ITGA2: variants seen among roughly 807,000 people sequenced by gnomAD.
The protein encoded by ITGA2 is integrin subunit alpha 2, also known as integrin alpha-2.
A neutral mutation model predicts 146.3 loss-of-function variants in ITGA2; 101 were observed. The observed-to-expected ratio is 0.69, with a 90% confidence interval of 0.59 to 0.81. The LOEUF (loss-of-function observed/expected upper bound fraction) is 0.81, where lower values mean the gene tolerates loss of function less well. Among genes scored for constraint, ITGA2 ranks in the 40% least tolerant of loss-of-function variants. ITGA2 has a pLI of 0.00. For missense variants in ITGA2, 1,281 were observed against 1,402.7 expected (o/e 0.91, Z 1.39); for synonymous variants, 477 against 487.1 (o/e 0.98, Z 0.27).
chr5:53,019,438 G>A (rs1036339395), intron 1 of ITGA2, among the ~76,000 whole-genome samples: 3 of 152,174 alleles, frequency 2.0e-5, no homozygotes, highest in African/African-American at 4.8e-5. Context: ...CCAGCAGGCT[G>A]TCTGAGGCCC....
In ITGA2 at chr5:53,051,485, G is replaced by A; in HGVS notation, c.705G>A (p.Met235Ile). 1 of 1,613,554 alleles carries A rather than the reference G, an allele frequency of 6.2e-7. No homozygotes were observed. ...NLNTYKTKEEMIVATSQTSQY... is the reference protein window; with the variant it reads ...NLNTYKTKEEIIVATSQTSQY... The stretch of plus-strand genomic sequence containing the variant: ...ACACATATAAAACCAAAGAAGAAAT[G>A]ATTGTAGCAACATCCCAGACATCCC... The change falls in exon 7 of 30, where the codon ATG (methionine) becomes ATA (isoleucine). Residue 235 changes from methionine (M) to isoleucine (I), a missense_variant. Coordinates refer to ENST00000296585, the MANE Select transcript of ITGA2 (RefSeq NM_002203.4).
At chr5:53,072,431 G>T (rs1178941064) in intron 18 of ITGA2, among the ~76,000 whole-genome samples, 182 bp from the exon 19 acceptor site, 1 of 151,736 alleles carries the variant, frequency 6.6e-6, no homozygotes, top group African/African-American at 2.4e-5. Context: ...CTGTGCAAAT[G>T]ATTATCTTGA....
intron 23 of ITGA2, among the ~76,000 whole-genome samples, chr5:53,077,590 C>A (rs1193082420): frequency 6.6e-6 from 1 of 151,994 alleles, no homozygotes; most frequent in African/African-American, 2.4e-5. Flanking sequence ...TTCTGGAAGG[C>A]ATAGGAAATA....
Position 53,090,758 on chromosome 5 carries a change from G to T in ITGA2, c.*159G>T. 3.3e-6 allele frequency: 1 copy of T among 300,162 alleles called. No individual in the cohort carries two copies. Among genetic ancestry groups the T allele is most frequent in the Non-Finnish European group, 6.8e-6 (1 of 146,182 alleles). 18.6% of individuals were successfully genotyped at this position (300,162 alleles called of 1,614,324 possible). On this transcript the variant is annotated 3_prime_UTR_variant, in exon 30 of 30. Coordinates refer to ENST00000296585, the MANE Select transcript of ITGA2 (RefSeq NM_002203.4). ...AAACTGCAGGTCAGTTTGGAATGAA[G>T]AAATTGTGGGGGGTGGGGGAGGTGC... is the stretch of plus-strand genomic sequence containing the variant.
At chr5:53,083,483 TC>T (rs760046268) in intron 27 of ITGA2, 30 bp downstream of exon 27, 28 of 1,291,996 alleles carry the variant, frequency 2.2e-5, no homozygotes, top group Non-Finnish European at 3.0e-5. Flanking sequence ...GTTAGATTTA[TC>T]AATAGCAAGG....
intron 16 of ITGA2, among the ~76,000 whole-genome samples, chr5:53,068,228 T>C (rs1325475306): frequency 6.6e-6 from 1 of 151,930 alleles, no homozygotes; most frequent in Non-Finnish European, 1.5e-5. Context: ...AATCTTAACA[T>C]GCTTTCCATA....
rs768656331 is a variant in ITGA2 at position 53,078,860 on chromosome 5, A to T, written c.2914A>T (p.Ile972Phe). The T allele has an allele frequency of 2.5e-6, 4 of 1,599,900 alleles. No individual in the cohort carries two copies. The highest frequency in any genetic ancestry group is 3.4e-6 in the Non-Finnish European group (4 of 1,167,722). The change falls in exon 24 of 30, where the codon ATC becomes TTC. Residue 972 changes from isoleucine to phenylalanine, a missense_variant. Transcript: ENST00000296585. Reference protein sequence around the residue: ...HSFEDVGPKFIFSLKVTTGSV... With the variant: ...HSFEDVGPKFFFSLKVTTGSV... ...TTTTGAAGATGTTGGTCCAAAATTCATCTTCTCCCTGAAGGTTGGTAAGCC... is the reference window on the plus strand; with the variant it reads ...TTTTGAAGATGTTGGTCCAAAATTCTTCTTCTCCCTGAAGGTTGGTAAGCC...
At chr5:53,006,213 A>G (rs1176102268) in intron 1 of ITGA2, among the ~76,000 whole-genome samples, 2 of 152,192 alleles carry the variant, frequency 1.3e-5, no homozygotes, top group African/African-American at 4.8e-5. Flanking sequence ...GTATCCCAGA[A>G]CTTAAAATAA....
At position 53,083,438 on chromosome 5, in the gene ITGA2, C is replaced by T. The variant is rs766867878; in HGVS notation, c.3243C>T (p.Asn1081=). 32 of 1,595,984 alleles carry T rather than the reference C, an allele frequency of 2.0e-5. No homozygotes were observed. Among genetic ancestry groups the T allele is most frequent in the Admixed American group, 1.5e-4 (9 of 59,958 alleles). ...TTAATGTGACTACCAGAATTTGGAA[C>T]GGGACTTTCGCATCAGTAAGTATCA... is the stretch of plus-strand genomic sequence containing the variant. ...YFVNVTTRIW[N]GTFASSTFQT... Residue 1081 remains asparagine, a synonymous_variant, in exon 27 of 30, where the codon AAC becomes AAT. Transcript: ENST00000296585.
intron 1 of ITGA2, among the ~76,000 whole-genome samples, chr5:52,994,701 C>T (rs771227251): frequency 1.3e-4 from 20 of 151,964 alleles, no homozygotes; most frequent in African/African-American, 4.6e-4. Flanking sequence ...GAATTTAAGA[C>T]TATAGTATGT....
chr5:53,063,249 C>G (rs1034508758), intron 13 of ITGA2, among the ~76,000 whole-genome samples: 2 of 151,882 alleles, frequency 1.3e-5, no homozygotes, highest in African/African-American at 2.4e-5. Context: ...GTGTATTTCT[C>G]TAGTATCACA....
At position 53,093,234 on chromosome 5, in the gene ITGA2, A is replaced by G. The variant is rs1486284497; in HGVS notation, c.*2635A>G. ...CTCCTTTAGGTGAGTACTTCCTTAA[A>G]TAAGTGCTAAACATACATATACGGA... On this transcript the variant is annotated 3_prime_UTR_variant, in exon 30 of 30. Coordinates refer to ENST00000296585, the MANE Select transcript of ITGA2 (RefSeq NM_002203.4). 6.6e-6 allele frequency: 1 copy of G among 152,218 alleles called. No individual in the cohort carries two copies. The highest frequency in any genetic ancestry group is 1.9e-4 in the East Asian group (1 of 5,192). 9.4% of individuals were successfully genotyped at this position (152,218 alleles called of 1,614,324 possible).
At chr5:53,044,250 G>A (rs1293934524) in intron 3 of ITGA2, among the ~76,000 whole-genome samples, 5 of 115,158 alleles carry the variant, frequency 4.3e-5, no homozygotes, top group Admixed American at 2.4e-4. Flanking sequence ...ACTCCAGCCT[G>A]GATGACAGAG....
chr5:53,052,561 G>T (rs144774040), intron 7 of ITGA2, among the ~76,000 whole-genome samples: 3 of 151,854 alleles, frequency 2.0e-5, no homozygotes, highest in African/African-American at 4.8e-5. Flanking sequence ...TTTGAAAAAA[G>T]CAACTCTATT....
intron 2 of ITGA2, among the ~76,000 whole-genome samples, chr5:53,032,502 A>C (rs186686495): frequency 1.3e-4 from 20 of 152,322 alleles, no homozygotes; most frequent in African/African-American, 4.8e-4. Flanking sequence ...TAATTAACCT[A>C]AGATTACAGA....
rs772837257 is a variant in ITGA2, at chr5:53,081,600, C to T, written c.3048C>T (p.Asp1016=). The T allele has an allele frequency of 1.2e-5, 20 of 1,608,366 alleles. No individual in the cohort carries two copies. Among genetic ancestry groups the T allele is most frequent in the Non-Finnish European group, 1.7e-5 (20 of 1,176,074 alleles). The change falls in exon 26 of 30, where the codon GAC becomes GAT. Residue 1016 remains aspartate (D), a synonymous_variant. Coordinates refer to ENST00000296585, the MANE Select transcript of ITGA2 (RefSeq NM_002203.4). ...GTGTTCTTCTTTTATAGGCTGGTGA[C>T]ATCAGTTGTAATGCAGATATCAATC... The part of the protein sequence containing the change: ...LTGVQTDKAG[D]ISCNADINPL...
chr5:53,075,512 G>A (rs1249071448), intron 23 of ITGA2, among the ~76,000 whole-genome samples: 1 of 151,968 alleles, frequency 6.6e-6, no homozygotes, highest in Non-Finnish European at 1.5e-5. Flanking sequence ...ACCAATGAGA[G>A]TAGCCCAGAA....
intron 14 of ITGA2, among the ~76,000 whole-genome samples, chr5:53,065,340 A>G (rs1479793884): frequency 6.6e-6 from 1 of 151,990 alleles, no homozygotes; most frequent in Non-Finnish European, 1.5e-5. Context: ...TGTGCCTTAT[A>G]TTATATTGGA....
At chr5:53,043,851 G>T (rs1272353778) in intron 3 of ITGA2, among the ~76,000 whole-genome samples, 1 of 152,072 alleles carries the variant, frequency 6.6e-6, no homozygotes, top group Non-Finnish European at 1.5e-5. Flanking sequence ...AAAATTAGGA[G>T]TTCTAAGAAT....
Sources: gnomAD v4.1 joint callset for allele counts (sites outside exome capture counted in the v4.1 genomes callset) on GRCh38, gnomAD v4.1.1 for gene constraint, MANE v1.5 for transcripts, NCBI Gene and HGNC (gene_info 2026-07-23, HGNC 2026-07-21) for gene names.